Variants in ST8SIA1 observed in about 807,000 individuals in gnomAD.
ST8SIA1 encodes alpha-N-acetylneuraminide alpha-2,8-sialyltransferase.
ST8SIA1 carries 16 observed loss-of-function variants against 35.9 expected under a neutral mutation model. The ratio of observed to expected loss-of-function variants is 0.45; its 90% CI spans 0.30 to 0.68. ST8SIA1 has a LOEUF of 0.68. Ranked by LOEUF, ST8SIA1 falls within the 30% of genes least tolerant of loss-of-function variation. The pLI is 0.09. For missense variants in ST8SIA1, 383 were observed against 453.6 expected (o/e 0.84, Z 1.41); for synonymous variants, 170 against 169.6 (o/e 1.00, Z -0.02).
At chr12:22,229,912 C>A (rs1865398901) in intron 4 of ST8SIA1, among the ~76,000 whole-genome samples, 1 of 151,996 alleles carries the variant, frequency 6.6e-6, no homozygotes, top group Non-Finnish European at 1.5e-5. Context: ...AAAGGAAAAC[C>A]AACAAAGGAA....
chr12:22,274,660 G>C (rs1039643893), intron 2 of ST8SIA1, among the ~76,000 whole-genome samples: 2 of 152,168 alleles, frequency 1.3e-5, no homozygotes, highest in Non-Finnish European at 2.9e-5. Context: ...CACACTTAGA[G>C]GGTGACTGTC....
chr12:22,259,054 G>T (rs1865757611), intron 2 of ST8SIA1, among the ~76,000 whole-genome samples: 1 of 152,132 alleles, frequency 6.6e-6, no homozygotes, highest in Non-Finnish European at 1.5e-5. Context: ...CACTGGCATG[G>T]AAGTCCACTC....
chr12:22,241,419 C>G (rs1446154948), intron 4 of ST8SIA1, among the ~76,000 whole-genome samples: 1 of 151,962 alleles, frequency 6.6e-6, no homozygotes, highest in Non-Finnish European at 1.5e-5. Context: ...CTGTCTCTTG[C>G]TCCTGCTCCT....
At chr12:22,240,441 C>T (rs1284482886) in intron 4 of ST8SIA1, among the ~76,000 whole-genome samples, 2 of 151,792 alleles carry the variant, frequency 1.3e-5, no homozygotes, top group African/African-American at 4.8e-5. Flanking sequence ...CTTCTAATTC[C>T]CTTATTTCAG....
At chr12:22,210,577 C>T (rs1865166326) in intron 4 of ST8SIA1, among the ~76,000 whole-genome samples, 1 of 152,178 alleles carries the variant, frequency 6.6e-6, no homozygotes, top group African/African-American at 2.4e-5. Flanking sequence ...ACCCTTCAAC[C>T]CCTTAGACAT....
chr12:22,207,825 A>T (rs1203036001), intron 4 of ST8SIA1, among the ~76,000 whole-genome samples: 5 of 152,226 alleles, frequency 3.3e-5, no homozygotes, highest in African/African-American at 1.2e-4. Context: ...TTCAATTTTA[A>T]AATATATTAT....
At chr12:22,320,193 G>A (rs1213481865) in intron 1 of ST8SIA1, among the ~76,000 whole-genome samples, 1 of 152,124 alleles carries the variant, frequency 6.6e-6, no homozygotes, top group African/African-American at 2.4e-5. Flanking sequence ...AGAAAGAAAA[G>A]GAACTTAGCT....
chr12:22,310,542 C>A (rs910045969), intron 1 of ST8SIA1, among the ~76,000 whole-genome samples: 2 of 152,172 alleles, frequency 1.3e-5, no homozygotes, highest in African/African-American at 4.8e-5. Context: ...TGAGACAGCT[C>A]AGATCACCAC....
chr12:22,248,884 G>A, intron 4 of ST8SIA1, 122 bp downstream of exon 4: 1 of 641,262 alleles, frequency 1.6e-6, no homozygotes, highest in Non-Finnish European at 2.7e-6. Flanking sequence ...CATCCTTCCT[G>A]CCTGTCCAGA....
rs554469078 is a variant in ST8SIA1, at chr12:22,214,233, T to A, written c.585-12195A>T. 3.3e-5 allele frequency among the ~76,000 whole-genome samples: 5 copies of A among 152,110 alleles called. No homozygotes were observed. In the South Asian group the frequency reaches 1.0e-3, roughly 32 times the overall value. On this transcript the variant is annotated intron_variant, in intron 4 of 4. Coordinates refer to ENST00000396037, the MANE Select transcript of ST8SIA1 (RefSeq NM_003034.4). Reference sequence around the variant, plus strand: ...ACAGAGGAAAAAAGAGTTTCAAAAGTTTATCAACAGTGGCAAATGTTGAGG... The same window carrying A: ...ACAGAGGAAAAAAGAGTTTCAAAAGATTATCAACAGTGGCAAATGTTGAGG...
At chr12:22,288,264 G>T (rs141260166) in intron 1 of ST8SIA1, among the ~76,000 whole-genome samples, 1 of 152,160 alleles carries the variant, frequency 6.6e-6, no homozygotes, top group Non-Finnish European at 1.5e-5. Flanking sequence ...ACCCAGAAAC[G>T]CTTGCTCAGA....
chr12:22,231,695 C>T (rs56384580), intron 4 of ST8SIA1, among the ~76,000 whole-genome samples: 8,174 of 151,676 alleles, frequency 0.054, 402 homozygotes, highest in South Asian at 0.16. Flanking sequence ...TGCCTCAGCC[C>T]CCCGAGTAGC....
chr12:22,304,467 T>C (rs1345733013), intron 1 of ST8SIA1, among the ~76,000 whole-genome samples: 2 of 151,974 alleles, frequency 1.3e-5, no homozygotes, highest in Non-Finnish European at 2.9e-5. Flanking sequence ...AAATAGTTTA[T>C]AACAGCCTTA....
intron 2 of ST8SIA1, among the ~76,000 whole-genome samples, chr12:22,282,770 A>G (rs1044406820): frequency 2.4e-4 from 37 of 152,226 alleles, no homozygotes; most frequent in African/African-American, 8.7e-4. Context: ...AAAGTCCAGC[A>G]AAGATCCATC....
intron 4 of ST8SIA1, among the ~76,000 whole-genome samples, chr12:22,230,773 G>A (rs577877665): frequency 1.3e-5 from 2 of 152,240 alleles, no homozygotes; most frequent in East Asian, 3.9e-4. Context: ...GAATCACAGG[G>A]CATTGCTGGG....
chr12:22,230,085 A>G (rs186617057), intron 4 of ST8SIA1, among the ~76,000 whole-genome samples: 60 of 152,352 alleles, frequency 3.9e-4, no homozygotes, highest in African/African-American at 1.3e-3. Context: ...CAAAATATTT[A>G]TTTAACAATT....
intron 1 of ST8SIA1, among the ~76,000 whole-genome samples, chr12:22,313,991 G>A (rs1376710991): frequency 6.6e-6 from 1 of 152,144 alleles, no homozygotes; most frequent in Non-Finnish European, 1.5e-5. Flanking sequence ...AGGGTAAGGG[G>A]TGCATTTGGA....
chr12:22,217,242 A>T (rs931526724), intron 4 of ST8SIA1, among the ~76,000 whole-genome samples: 1 of 152,182 alleles, frequency 6.6e-6, no homozygotes, highest in Non-Finnish European at 1.5e-5. Flanking sequence ...CAGAAGAGCA[A>T]TTTATTTGTT....
intron 2 of ST8SIA1, among the ~76,000 whole-genome samples, chr12:22,276,089 A>T (rs1865964633): frequency 1.3e-5 from 2 of 152,138 alleles, no homozygotes; most frequent in Non-Finnish European, 2.9e-5. Context: ...CTGGGGAGTG[A>T]TCTTTCCCTC....
Sources: allele counts gnomAD v4.1 joint callset (sites outside exome capture counted in the v4.1 genomes callset), GRCh38; gene constraint gnomAD v4.1.1; transcripts MANE v1.5; gene names NCBI Gene and HGNC (gene_info 2026-07-23, HGNC 2026-07-21).